GRIN2C: variants seen among roughly 807,000 people sequenced by gnomAD.
GRIN2C encodes the protein glutamate receptor ionotropic, NMDA 2C.
In GRIN2C, 64 loss-of-function variants were observed where a neutral mutation model predicts 77.7. The observed-to-expected ratio is 0.82, with a 90% confidence interval of 0.67 to 1.01. The LOEUF (loss-of-function observed/expected upper bound fraction) is 1.01, where lower values mean the gene tolerates loss of function less well. Ranked by LOEUF, GRIN2C falls within the 50% of genes least tolerant of loss-of-function variation. GRIN2C has a pLI of 0.00. For missense variants in GRIN2C, 1,549 were observed against 1,486.0 expected (o/e 1.04, Z -0.70); for synonymous variants, 792 against 643.4 (o/e 1.23, Z -3.49).
At chr17:74,858,042 T>C (rs1451678986) in intron 1 of GRIN2C, among the ~76,000 whole-genome samples, 1 of 152,178 alleles carries the variant, frequency 6.6e-6, no homozygotes, top group African/African-American at 2.4e-5. Context: ...AGTGTGACCC[T>C]GGATGAAGGG....
At chr17:74,851,180 C>T in intron 4 of GRIN2C, 2 of 311,250 alleles carry the variant, frequency 6.4e-6, no homozygotes, top group South Asian at 1.1e-4. Context: ...CCAGTTTCCT[C>T]CTTTGAAGGC....
In GRIN2C at chr17:74,854,793, G is replaced by A. The variant is rs752800191; in HGVS notation, c.300C>T (p.Asp100=). The change falls in exon 2 of 13, where the codon GAC becomes GAT. Residue 100 remains aspartate, a synonymous_variant. Coordinates refer to ENST00000293190, the MANE Select transcript of GRIN2C (RefSeq NM_000835.6). The part of the protein sequence containing the change: ...VHGIVFEDNV[D]TEAVAQILDF... ...CAAGGATCTGGGCCACCGCCTCGGT[G>A]TCCACGTTGTCCTCAAAGACAATGC... is the stretch of plus-strand genomic sequence containing the variant. 8.7e-6 allele frequency: 14 copies of A among 1,613,944 alleles called. No homozygotes were observed. The highest frequency in any genetic ancestry group is 1.3e-5 in the African/African-American group (1 of 75,044).
chr17:74,847,516 G>A lies in GRIN2C; in HGVS notation c.1793C>T (p.Thr598Ile), dbSNP rs1292539529. 1.2e-6 allele frequency: 2 copies of A among 1,613,594 alleles called. No individual in the cohort carries two copies. Among genetic ancestry groups the A allele is most frequent in the Non-Finnish European group, 1.7e-6 (2 of 1,179,722 alleles). Residue 598 changes from threonine to isoleucine, a missense_variant, in exon 9 of 13, where the codon ACT (threonine) becomes ATT (isoleucine). Around this residue, in one of 3 missense-constraint regions of GRIN2C, gnomAD observed 717 missense variants for 858.1 expected, o/e 0.84. Coordinates refer to ENST00000293190, the MANE Select transcript of GRIN2C (RefSeq NM_000835.6). This position sits in a 1 kb window ranked among gnomAD's most constrained non-coding sequence, Gnocchi z 5.2. ...RGKKSGGPAF[T>I]IGKSVWLLWA... The stretch of plus-strand genomic sequence containing the variant: ...CAGCAGCCACACGGACTTGCCGATA[G>A]TGAAAGCTGGGCCCCCGGACTCTGG...
chr17:74,854,505 C>A, intron 2 of GRIN2C, 189 bp downstream of exon 2: 1 of 585,300 alleles, frequency 1.7e-6, no homozygotes, highest in Non-Finnish European at 3.0e-6. Context: ...GTGAGGTCAG[C>A]CCAGAATATC....
In GRIN2C at chr17:74,851,759, C is replaced by T. The variant is rs1483964158; in HGVS notation, c.999-68G>A. ...GCACCCCCTGCCTCTGCCTCACCGC[C>T]GCCACCGACAGCAGGTGGCATTGAT... On this transcript the variant is annotated intron_variant, in intron 3 of 12. Coordinates refer to ENST00000293190, the MANE Select transcript of GRIN2C (RefSeq NM_000835.6). 24 of 955,696 alleles carry T rather than the reference C, an allele frequency of 2.5e-5. No homozygotes were observed. In the East Asian group the frequency reaches 3.2e-4, roughly 13 times the overall value. The allele number at this position is 955,696 out of a possible 1,614,324, so 59.2% of individuals were successfully genotyped here. A position where few individuals can be genotyped will look rare whatever the true frequency, so the allele number is the denominator to read the frequency against.
Position 74,846,764 on chromosome 17 carries a change from T to C in GRIN2C, c.2158A>G (p.Met720Val). The C allele has an allele frequency of 6.2e-7, 1 of 1,613,538 alleles. No individual in the cohort carries two copies. The highest frequency in any genetic ancestry group is 8.5e-7 in the Non-Finnish European group (1 of 1,179,730). ...SVEDALTSLK[M>V]GKLDAFIYDA... ...GGTGCAGGGCTGGGGACCCACCCCA[T>C]CTTGAGGCTGGTGAGCGCGTCCTCC... Residue 720 changes from methionine to valine, a missense_variant, in exon 10 of 13, where the codon ATG (methionine) becomes GTG (valine). This residue lies in a region of GRIN2C where 717 missense variants were observed against 858.1 expected (regional missense o/e 0.84). Transcript: ENST00000293190. This position sits in a 1 kb window ranked among gnomAD's most constrained non-coding sequence, Gnocchi z 4.4.
chr17:74,854,645 GC>G lies in GRIN2C; in HGVS notation c.399+48del, dbSNP rs1427503459. On this transcript the variant is annotated intron_variant, in intron 2 of 12. Transcript: ENST00000293190. ...CAGAACCAAAGCACCCCCGACCCCA[GC>G]CTGGTTCCAGGCCTGAGGCACGAGG... The G allele has an allele frequency of 2.0e-6, 3 of 1,533,430 alleles. No individual in the cohort carries two copies. The South Asian group carries it at 3.6e-5, about 18-fold the overall frequency. The allele number at this position is 1,533,430 out of a possible 1,614,324, so 95.0% of individuals were successfully genotyped here.
rs1325334805 is a variant in GRIN2C at position 74,846,866 on chromosome 17, C to A, written c.2056G>T (p.Gly686Cys). 1 of 1,613,994 alleles carries A rather than the reference C, an allele frequency of 6.2e-7. No homozygotes were observed. Among genetic ancestry groups the A allele is most frequent in the East Asian group, 2.2e-5 (1 of 44,896 alleles). Residue 686 changes from glycine (G) to cysteine (C), a missense_variant, in exon 10 of 13, where the codon GGC (glycine) becomes TGC (cysteine). Around this residue, in one of 3 missense-constraint regions of GRIN2C, gnomAD observed 717 missense variants for 858.1 expected, o/e 0.84. Coordinates refer to ENST00000293190, the MANE Select transcript of GRIN2C (RefSeq NM_000835.6). The surrounding 1 kb of genome is among the most constrained non-coding windows in gnomAD (Gnocchi z 4.4). ...CTGCGGATGTTCCGCTCCGTGCTGC[C>A]GTTGGGCACCGTGCCGAAGCGGAAA... ...PPFRFGTVPN[G>C]STERNIRSNY...
intron 1 of GRIN2C, among the ~76,000 whole-genome samples, chr17:74,858,135 C>G (rs535884434): frequency 2.6e-4 from 40 of 152,242 alleles, no homozygotes; most frequent in African/African-American, 9.2e-4. Context: ...AAATGTATTT[C>G]TCTTTCCAAC....
chr17:74,845,511 C>T (rs922868236), intron 11 of GRIN2C, among the ~76,000 whole-genome samples: 7 of 152,026 alleles, frequency 4.6e-5, no homozygotes, highest in Non-Finnish European at 7.4e-5. Context: ...TTCAAGTGAT[C>T]CTCCCACCTC....
rs2037306085 is a variant in GRIN2C, at chr17:74,842,252, A to G, written c.*183T>C. ...CGTGAGAAGAGGACAGCAAAAGCCC[A>G]GCCCTCACCATGATTTGAGGCTACT... On this transcript the variant is annotated 3_prime_UTR_variant, in exon 13 of 13. Coordinates refer to ENST00000293190, the MANE Select transcript of GRIN2C (RefSeq NM_000835.6). The G allele has an allele frequency of 1.8e-6, 1 of 557,876 alleles. No homozygotes were observed. Among genetic ancestry groups the G allele is most frequent in the Non-Finnish European group, 3.2e-6 (1 of 315,786 alleles). The allele number at this position is 557,876 out of a possible 1,614,324, so 34.6% of individuals were successfully genotyped here. A position where few individuals can be genotyped will look rare whatever the true frequency, so the allele number is the denominator to read the frequency against.
chr17:74,854,580 G>T, intron 2 of GRIN2C, 114 bp downstream of exon 2: 1 of 784,474 alleles, frequency 1.3e-6, no homozygotes, highest in Non-Finnish European at 2.1e-6. Flanking sequence ...CATGCCCTCA[G>T]CCCCCACCTC....
Position 74,843,419 on chromosome 17 carries a change from C to G in GRIN2C, c.2718G>C (p.Thr906=), listed in dbSNP as rs1221408756. 2 of 1,535,960 alleles carry G rather than the reference C, an allele frequency of 1.3e-6. No homozygotes were observed. Among genetic ancestry groups the G allele is most frequent in the African/African-American group, 1.4e-5 (1 of 72,968 alleles). Residue 906 remains threonine, a synonymous_variant, in exon 13 of 13, where the codon ACG becomes ACC. Coordinates refer to ENST00000293190, the MANE Select transcript of GRIN2C (RefSeq NM_000835.6). ...GGTCCAGGGAGCTGCTTACGCCCGC[C>G]GTGGTCACCATGTCGCGGGCTGCCT... ...MLQAARDMVT[T]AGVSSSLDRA... is the part of the protein sequence containing the mutation.
At position 74,859,363 on chromosome 17, in the gene GRIN2C, C is replaced by A. The variant is rs1483727316; in HGVS notation, c.-16+381G>T. On this transcript the variant is annotated intron_variant, in intron 1 of 12. Coordinates refer to ENST00000293190, the MANE Select transcript of GRIN2C (RefSeq NM_000835.6). This position sits in a 1 kb window ranked among gnomAD's most constrained non-coding sequence, Gnocchi z 5.9. ...CCCGGGTCCTCACAGCTCAGCCAGACCCCCTGGCACGGACCTGCACACACA... is the reference window on the plus strand; with the variant it reads ...CCCGGGTCCTCACAGCTCAGCCAGAACCCCTGGCACGGACCTGCACACACA... 6.6e-6 allele frequency among the ~76,000 whole-genome samples: 1 copy of A among 152,148 alleles called. No individual in the cohort carries two copies. Among genetic ancestry groups the A allele is most frequent in the Non-Finnish European group, 1.5e-5 (1 of 68,020 alleles).
chr17:74,842,570 G>A lies in GRIN2C; in HGVS notation c.3567C>T (p.Gly1189=), dbSNP rs1229314601. Residue 1189 remains glycine, a synonymous_variant, in exon 13 of 13, where the codon GGC becomes GGT. Coordinates refer to ENST00000293190, the MANE Select transcript of GRIN2C (RefSeq NM_000835.6). ...AGCCTGTGCCCAGCCCCAGAGTCCT[G>A]CCCCTGTGCCCCAGAGGCCCCCAGG... ...SGAWGPLGHR[G]RTLGLGTGYR... 1.3e-6 allele frequency: 1 copy of A among 771,558 alleles called. No individual in the cohort carries two copies. Among genetic ancestry groups the A allele is most frequent in the Non-Finnish European group, 2.4e-6 (1 of 415,938 alleles). 47.8% of individuals were successfully genotyped at this position (771,558 alleles called of 1,614,324 possible). A position where few individuals can be genotyped will look rare whatever the true frequency, so the allele number is the denominator to read the frequency against.
In GRIN2C at chr17:74,844,456, C is replaced by A; in HGVS notation, c.2403G>T (p.Glu801Asp). 6.2e-7 allele frequency: 1 copy of A among 1,614,232 alleles called. No homozygotes were observed. Among genetic ancestry groups the A allele is most frequent in the Non-Finnish European group, 8.5e-7 (1 of 1,180,042 alleles). The change falls in exon 12 of 13, where the codon GAG becomes GAT. Residue 801 changes from glutamate to aspartate, a missense_variant. Glu to Asp is a conservative substitution (Grantham distance 45). Transcript: ENST00000293190. Reference sequence around the variant, plus strand: ...GCTTGCTGCTCATCACCTCGTTCTTCTCATTCTGGCAGATCCCTGAGAGCC... The same window carrying A: ...GCTTGCTGCTCATCACCTCGTTCTTATCATTCTGGCAGATCCCTGAGAGCC... ...TVWLSGICQN[E>D]KNEVMSSKLD...
chr17:74,856,674 T>C (rs2037829320), intron 1 of GRIN2C, among the ~76,000 whole-genome samples: 1 of 151,940 alleles, frequency 6.6e-6, no homozygotes, highest in African/African-American at 2.4e-5. Context: ...ACAGATAGGG[T>C]TTCACCGTGT....
rs752144006 is a variant in GRIN2C, at chr17:74,850,034, G to A, written c.1492-101C>T. ...ACCCCTTCTAGCACCCACCAGCTGA[G>A]TCAATCATTCCCTCTGGGGCCCTCA... On this transcript the variant is annotated intron_variant, in intron 6 of 12. Coordinates refer to ENST00000293190, the MANE Select transcript of GRIN2C (RefSeq NM_000835.6). This position sits in a 1 kb window ranked among gnomAD's most constrained non-coding sequence, Gnocchi z 5.3. 1 of 1,406,828 alleles carries A rather than the reference G, an allele frequency of 7.1e-7. No individual in the cohort carries two copies. 87.1% of individuals were successfully genotyped at this position (1,406,828 alleles called of 1,614,324 possible).
chr17:74,843,608 C>G (rs1167367068), intron 12 of GRIN2C, 55 bp from the exon 13 acceptor site: 4 of 1,521,672 alleles, frequency 2.6e-6, no homozygotes, highest in Non-Finnish European at 3.5e-6. Flanking sequence ...CAGGGACCCG[C>G]CACGATTGTC....
Sources: gnomAD v4.1 joint callset for allele counts (sites outside exome capture counted in the v4.1 genomes callset) on GRCh38, gnomAD v4.1.1 for gene constraint, gnomAD v4.1.1 regional missense constraint, Gnocchi (gnomAD v3.1) non-coding constraint, MANE v1.5 for transcripts, NCBI Gene and HGNC (gene_info 2026-07-23, HGNC 2026-07-21) for gene names.